NCKAP1: variants seen among roughly 807,000 people sequenced by gnomAD.
The protein encoded by NCKAP1 is nck-associated protein 1.
A neutral mutation model predicts 151.2 loss-of-function variants in NCKAP1; 21 were observed. That is an observed-to-expected ratio of 0.14 (90% CI 0.10 to 0.20). The LOEUF (loss-of-function observed/expected upper bound fraction) is 0.20, where lower values mean the gene tolerates loss of function less well. NCKAP1 is among the 10% of genes least tolerant of loss of function. The probability of loss-of-function intolerance (pLI) is 1.00; values close to 1 mark genes in which losing one functional copy is unlikely to be tolerated. For missense variants in NCKAP1, 933 were observed against 1,352.1 expected (o/e 0.69, Z 4.86); for synonymous variants, 484 against 451.8 (o/e 1.07, Z -0.90).
At chr2:182,988,408 A>T (rs916116833) in intron 9 of NCKAP1, among the ~76,000 whole-genome samples, 20 of 152,318 alleles carry the variant, frequency 1.3e-4, no homozygotes, top group African/African-American at 4.6e-4. Context: ...AGATTTCATA[A>T]TTGCCACCAA....
chr2:182,964,623 T>G, intron 17 of NCKAP1, 53 bp downstream of exon 17: 1 of 1,420,676 alleles, frequency 7.0e-7, no homozygotes, highest in South Asian at 1.6e-5. Context: ...GCTACAGGTT[T>G]GATCTAGTTT....
chr2:183,007,282 A>C (rs989612622), intron 2 of NCKAP1, among the ~76,000 whole-genome samples: 4 of 152,222 alleles, frequency 2.6e-5, no homozygotes, highest in African/African-American at 9.6e-5. Context: ...TCATTATTCT[A>C]AATATTCAAG....
intron 2 of NCKAP1, among the ~76,000 whole-genome samples, chr2:183,021,560 A>C (rs1042894328): frequency 2.6e-5 from 4 of 152,222 alleles, no homozygotes; most frequent in South Asian, 2.1e-4. Context: ...ACAGTGAGCT[A>C]TGATGGCGCC....
In NCKAP1 at chr2:182,924,193, C is replaced by CT. The variant is rs1325808953; in HGVS notation, c.*1508dup. 3.9e-5 allele frequency: 6 copies of CT among 152,150 alleles called. No individual in the cohort carries two copies. Among genetic ancestry groups the CT allele is most frequent in the Admixed American group, 1.3e-4 (2 of 15,270 alleles). 9.4% of individuals were successfully genotyped at this position (152,150 alleles called of 1,614,324 possible). A position where few individuals can be genotyped will look rare whatever the true frequency, so the allele number is the denominator to read the frequency against. The stretch of plus-strand genomic sequence containing the variant: ...GACAGATAGTGACAACTACTCCCTA[C>CT]TTTAAATATAGGCTGGACAAATCAT... On this transcript the variant is annotated 3_prime_UTR_variant, in exon 31 of 31. Coordinates refer to ENST00000361354, the MANE Select transcript of NCKAP1 (RefSeq NM_013436.5).
At chr2:182,938,075 G>A (rs1252223660) in intron 24 of NCKAP1, among the ~76,000 whole-genome samples, 2 of 152,204 alleles carry the variant, frequency 1.3e-5, no homozygotes, top group African/African-American at 4.8e-5. Context: ...TGAGTCAGCA[G>A]GTCTGAGGTG....
chr2:183,038,399 C>T lies in NCKAP1; in HGVS notation c.-300G>A, dbSNP rs1285935904. ...CCAGCCCCCAACGAGCCGCCTTCCCCGGCTGCTCCACTAGGTGTGGCGGCG... is the reference window on the plus strand; with the variant it reads ...CCAGCCCCCAACGAGCCGCCTTCCCTGGCTGCTCCACTAGGTGTGGCGGCG... On this transcript the variant is annotated 5_prime_UTR_variant, in exon 1 of 31. Transcript: ENST00000361354. 8.5e-6 allele frequency: 2 copies of T among 234,496 alleles called. No individual in the cohort carries two copies. The highest frequency in any genetic ancestry group is 1.8e-4 in the East Asian group (2 of 11,162). 14.5% of individuals were successfully genotyped at this position (234,496 alleles called of 1,614,324 possible).
Position 182,978,883 on chromosome 2 carries a change from G to A in NCKAP1, c.1374C>T (p.Ile458=). 3 of 1,608,572 alleles carry A rather than the reference G, an allele frequency of 1.9e-6. No homozygotes were observed. Among genetic ancestry groups the A allele is most frequent in the Non-Finnish European group, 2.6e-6 (3 of 1,176,318 alleles). The change falls in exon 14 of 31, where the codon ATC becomes ATT. Residue 458 remains isoleucine (I), a synonymous_variant. Transcript: ENST00000361354. ...NLSVCPEDES[I]IMSSFVNTMT... ...TAGTGTTAACAAAAGAGGACATGATGATTGATTCATCTTCAGGGCAAACAG... is the reference window on the plus strand; with the variant it reads ...TAGTGTTAACAAAAGAGGACATGATAATTGATTCATCTTCAGGGCAAACAG...
In NCKAP1 at chr2:182,925,763, T is replaced by A; in HGVS notation, c.3326A>T (p.Tyr1109Phe). 1 of 1,592,410 alleles carries A rather than the reference T, an allele frequency of 6.3e-7. No individual in the cohort carries two copies. Among genetic ancestry groups the A allele is most frequent in the Non-Finnish European group, 8.5e-7 (1 of 1,170,612 alleles). The change falls in exon 31 of 31, where the codon TAT (tyrosine) becomes TTT (phenylalanine). Residue 1109 changes from tyrosine (Y) to phenylalanine (F), a missense_variant. By Grantham distance (22) the Tyr-to-Phe change is conservative. Transcript: ENST00000361354. ...ATGGTATGCATTTCTCAGCAAGACA[T>A]AAGGAAAACAAGATTCCAAAAGATC... ...TMDLLESCFPYVLLRNAYHAV... is the reference protein window; with the variant it reads ...TMDLLESCFPFVLLRNAYHAV...
intron 8 of NCKAP1, among the ~76,000 whole-genome samples, chr2:182,992,853 TTAA>T (rs1462798455): frequency 1.3e-5 from 2 of 152,174 alleles, no homozygotes; most frequent in African/African-American, 4.8e-5. Context: ...GAGTAGAAAC[TTAA>T]TAATCTGTTA....
At position 182,924,202 on chromosome 2, in the gene NCKAP1, T is replaced by C. The variant is rs912336447; in HGVS notation, c.*1500A>G. 1.3e-5 allele frequency: 2 copies of C among 152,208 alleles called. No individual in the cohort carries two copies. The highest frequency in any genetic ancestry group is 2.9e-5 in the Non-Finnish European group (2 of 68,018). 9.4% of individuals were successfully genotyped at this position (152,208 alleles called of 1,614,324 possible). ...TGACAACTACTCCCTACTTTAAATA[T>C]AGGCTGGACAAATCATACACAAAAT... On this transcript the variant is annotated 3_prime_UTR_variant, in exon 31 of 31. Transcript: ENST00000361354.
rs1696363137 is a variant in NCKAP1, at chr2:182,910,076, CAGT to C, written c.*15623_*15625del. ...GCTGAGCCCTAGAGTTAAGGAGAAA[CAGT>C]GGTTTCTGCAAAGCTGTGGTAGCTG... On this transcript the variant is annotated 3_prime_UTR_variant, in exon 31 of 31. Coordinates refer to ENST00000361354, the MANE Select transcript of NCKAP1 (RefSeq NM_013436.5). 6.6e-6 allele frequency: 1 copy of C among 152,212 alleles called. No homozygotes were observed. The highest frequency in any genetic ancestry group is 1.5e-5 in the Non-Finnish European group (1 of 68,052). 9.4% of individuals were successfully genotyped at this position (152,212 alleles called of 1,614,324 possible). A position where few individuals can be genotyped will look rare whatever the true frequency, so the allele number is the denominator to read the frequency against.
intron 1 of NCKAP1, among the ~76,000 whole-genome samples, chr2:183,029,314 A>T (rs549363466): frequency 1.6e-4 from 25 of 152,140 alleles, no homozygotes; most frequent in Non-Finnish European, 1.2e-4. Context: ...ATTTTAAAGT[A>T]TGACTTTAAA....
chr2:183,017,508 T>A (rs1173845080), intron 2 of NCKAP1, among the ~76,000 whole-genome samples: 1 of 152,080 alleles, frequency 6.6e-6, no homozygotes, highest in Non-Finnish European at 1.5e-5. Flanking sequence ...ATGCCACTGC[T>A]AATATGACAG....
intron 26 of NCKAP1, chr2:182,934,437 G>GGCA (rs1696831845): frequency 6.1e-6 from 1 of 164,768 alleles, no homozygotes; most frequent in Admixed American, 6.5e-5. Context: ...GTGAGCCACC[G>GGCA]TGCCTGGCCA....
chr2:183,017,057 T>A (rs1243242321), intron 2 of NCKAP1, among the ~76,000 whole-genome samples: 1 of 151,912 alleles, frequency 6.6e-6, no homozygotes, highest in Non-Finnish European at 1.5e-5. Context: ...GAAAAAAAGG[T>A]AGGATAATCA....
At chr2:183,020,687 G>C (rs1475093274) in intron 2 of NCKAP1, among the ~76,000 whole-genome samples, 2 of 152,132 alleles carry the variant, frequency 1.3e-5, no homozygotes, top group East Asian at 3.9e-4. Flanking sequence ...AAAAAAGAAA[G>C]AAAAGACTGA....
rs544303558 is a variant in NCKAP1, at chr2:182,916,450, C to G, written c.*9252G>C. 6.6e-6 allele frequency: 1 copy of G among 152,036 alleles called. No homozygotes were observed. Among genetic ancestry groups the G allele is most frequent in the African/African-American group, 2.4e-5 (1 of 41,392 alleles). The allele number at this position is 152,036 out of a possible 1,614,324, so 9.4% of individuals were successfully genotyped here. On this transcript the variant is annotated 3_prime_UTR_variant, in exon 31 of 31. Transcript: ENST00000361354. ...ACAGAAAGATGAAATAAACCTAGACCGTGACCTCAAGGCAGTCCCAGAATC... is the reference window on the plus strand; with the variant it reads ...ACAGAAAGATGAAATAAACCTAGACGGTGACCTCAAGGCAGTCCCAGAATC...
Position 183,038,025 on chromosome 2 carries a change from G to A in NCKAP1, c.75C>T (p.Val25=), listed in dbSNP as rs775448832. The A allele has an allele frequency of 4.3e-5, 68 of 1,582,146 alleles. No homozygotes were observed. The highest frequency in any genetic ancestry group is 2.2e-4 in the Admixed American group (13 of 57,974). ...EKLTILNDRG[V]GMLTRLYNIK... ...TGTTGTAGAGGCGGGTGAGCATGCC[G>A]ACGCCCCGGTCGTTGAGGATGGTGA... Residue 25 remains valine (V), a synonymous_variant, in exon 1 of 31, where the codon GTC becomes GTT. Transcript: ENST00000361354.
At chr2:183,029,672 T>A (rs545167829) in intron 1 of NCKAP1, among the ~76,000 whole-genome samples, 12 of 151,760 alleles carry the variant, frequency 7.9e-5, no homozygotes, top group African/African-American at 2.9e-4. Context: ...GTTTAAAAAT[T>A]AGCCAAACGT....
Sources: gnomAD v4.1 joint callset for allele counts (sites outside exome capture counted in the v4.1 genomes callset) on GRCh38, gnomAD v4.1.1 for gene constraint, MANE v1.5 for transcripts, NCBI Gene and HGNC (gene_info 2026-07-23, HGNC 2026-07-21) for gene names.